MAGI2: variants seen among roughly 807,000 people sequenced by gnomAD.
MAGI2 encodes membrane associated guanylate kinase, WW and PDZ domain containing 2, also known as membrane-associated guanylate kinase, WW and PDZ domain-containing protein 2.
A neutral mutation model predicts 133.3 loss-of-function variants in MAGI2; 35 were observed. The ratio of observed to expected loss-of-function variants is 0.26; its 90% CI spans 0.20 to 0.35. The LOEUF (loss-of-function observed/expected upper bound fraction) is 0.35, where lower values mean the gene tolerates loss of function less well. MAGI2 is among the 10% of genes least tolerant of loss of function. The pLI, the probability that MAGI2 is intolerant of heterozygous loss-of-function variation, is 1.00. For missense variants in MAGI2, 1,636 were observed against 1,863.4 expected (o/e 0.88, Z 2.25); for synonymous variants, 729 against 710.6 (o/e 1.03, Z -0.41).
intron 2 of MAGI2, among the ~76,000 whole-genome samples, chr7:78,994,266 A>G: frequency 6.6e-6 from 1 of 152,104 alleles, no homozygotes; most frequent in East Asian, 1.9e-4. Flanking sequence ...AATGACAGGA[A>G]TTCTGAAGTG....
chr7:78,459,036 G>A (rs752016167), intron 6 of MAGI2, among the ~76,000 whole-genome samples: 1 of 152,184 alleles, frequency 6.6e-6, no homozygotes, highest in Non-Finnish European at 1.5e-5. Context: ...TGATAATACT[G>A]AGTTTGATAA....
intron 1 of MAGI2, among the ~76,000 whole-genome samples, chr7:79,313,793 T>A (rs1206676338): frequency 7.0e-6 from 1 of 142,318 alleles, no homozygotes; most frequent in Non-Finnish European, 1.5e-5. Context: ...ATTTACATTA[T>A]TTAATTTACT....
intron 2 of MAGI2, among the ~76,000 whole-genome samples, chr7:78,908,568 G>T (rs1355031460): frequency 6.6e-6 from 1 of 152,150 alleles, no homozygotes; most frequent in Non-Finnish European, 1.5e-5. Flanking sequence ...AATATTTAGA[G>T]GTAGATTAAA....
intron 10 of MAGI2, among the ~76,000 whole-genome samples, chr7:78,212,924 C>T (rs1787910502): frequency 6.6e-6 from 1 of 152,170 alleles, no homozygotes; most frequent in African/African-American, 2.4e-5. Flanking sequence ...TGATCCCCTG[C>T]CTTGGCCTCC....
intron 9 of MAGI2, among the ~76,000 whole-genome samples, chr7:78,268,491 C>A (rs1268771211): frequency 1.3e-5 from 2 of 151,958 alleles, no homozygotes; most frequent in African/African-American, 4.8e-5. Context: ...CTTGAAGTAG[C>A]GTGATGAAGA....
chr7:78,926,259 T>A (rs1799683711), intron 2 of MAGI2, among the ~76,000 whole-genome samples: 1 of 152,044 alleles, frequency 6.6e-6, no homozygotes, highest in Non-Finnish European at 1.5e-5. Flanking sequence ...CAGAGTCTGC[T>A]TATTATTTGT....
intron 1 of MAGI2, among the ~76,000 whole-genome samples, chr7:79,319,852 T>C (rs1027672328): frequency 2.0e-5 from 3 of 152,172 alleles, no homozygotes; most frequent in Non-Finnish European, 2.9e-5. Context: ...TAGACATGAT[T>C]GACCCACGTT....
At chr7:78,365,396 A>G (rs1793275644) in intron 7 of MAGI2, among the ~76,000 whole-genome samples, 1 of 152,210 alleles carries the variant, frequency 6.6e-6, no homozygotes, top group East Asian at 1.9e-4. Context: ...TGCGAAATTT[A>G]TAGCAGGCAT....
At chr7:79,237,833 C>A (rs534868531) in intron 1 of MAGI2, among the ~76,000 whole-genome samples, 51 of 152,262 alleles carry the variant, frequency 3.3e-4, no homozygotes, top group African/African-American at 1.2e-3. Context: ...TAATTTTTCA[C>A]AATGATTTTA....
intron 1 of MAGI2, among the ~76,000 whole-genome samples, chr7:79,109,021 T>G (rs1473042157): frequency 6.6e-6 from 1 of 152,214 alleles, no homozygotes; most frequent in Non-Finnish European, 1.5e-5. Context: ...CCATGCTTCC[T>G]GTACAGCCTG....
chr7:79,446,627 C>T (rs1164971461), intron 1 of MAGI2, among the ~76,000 whole-genome samples: 2 of 151,998 alleles, frequency 1.3e-5, no homozygotes, highest in East Asian at 1.9e-4. Context: ...TATAAATCAC[C>T]CACTCATTAG....
At chr7:78,700,076 C>T (rs1490108081) in intron 2 of MAGI2, among the ~76,000 whole-genome samples, 2 of 152,058 alleles carry the variant, frequency 1.3e-5, no homozygotes, top group Non-Finnish European at 2.9e-5. Flanking sequence ...TTTTCTCATA[C>T]TGAGAAAAAG....
chr7:78,230,415 G>A (rs940765552), intron 10 of MAGI2, among the ~76,000 whole-genome samples: 2 of 152,102 alleles, frequency 1.3e-5, no homozygotes, highest in African/African-American at 2.4e-5. Flanking sequence ...ATTTTGTTAA[G>A]CATTTTACCA....
At chr7:78,589,185 C>T (rs528471672) in intron 3 of MAGI2, among the ~76,000 whole-genome samples, 34 of 152,314 alleles carry the variant, frequency 2.2e-4, no homozygotes, top group South Asian at 8.3e-4. Flanking sequence ...AGCAAATCTA[C>T]GTTTCATCAT....
At chr7:78,237,432 A>AT (rs1225425113) in intron 10 of MAGI2, among the ~76,000 whole-genome samples, 3 of 152,068 alleles carry the variant, frequency 2.0e-5, no homozygotes, top group African/African-American at 7.2e-5. Context: ...GTAGTTTAAA[A>AT]TTTTTTATTT....
chr7:79,331,174 C>A (rs1489821999), intron 1 of MAGI2, among the ~76,000 whole-genome samples: 1 of 152,082 alleles, frequency 6.6e-6, no homozygotes, highest in African/African-American at 2.4e-5. Context: ...CATTTTCAGG[C>A]TTTTGCAGAG....
intron 1 of MAGI2, among the ~76,000 whole-genome samples, chr7:79,287,541 G>A (rs1035695833): frequency 3.9e-5 from 6 of 152,110 alleles, no homozygotes; most frequent in African/African-American, 1.4e-4. Flanking sequence ...TTTGTGGCTG[G>A]ATAGATTTGA....
intron 15 of MAGI2, among the ~76,000 whole-genome samples, chr7:78,163,107 A>G (rs1825247465): frequency 6.6e-6 from 1 of 152,144 alleles, no homozygotes; most frequent in Non-Finnish European, 1.5e-5. Context: ...CTTAGTATCT[A>G]CTAAAGTCAA....
At chr7:78,460,811 T>C (rs1789896928) in intron 6 of MAGI2, among the ~76,000 whole-genome samples, 1 of 152,170 alleles carries the variant, frequency 6.6e-6, no homozygotes, top group Non-Finnish European at 1.5e-5. Flanking sequence ...CTGTCCAGCC[T>C]GCCACTCCTG....
Sources: gnomAD v4.1 joint callset for allele counts (sites outside exome capture counted in the v4.1 genomes callset) on GRCh38, gnomAD v4.1.1 for gene constraint, MANE v1.5 for transcripts, NCBI Gene and HGNC (gene_info 2026-07-23, HGNC 2026-07-21) for gene names.